ACSM1: variants seen among roughly 807,000 people sequenced by gnomAD.
ACSM1 encodes the protein acyl-CoA synthetase medium chain family member 1.
Under a neutral mutation model 75.8 loss-of-function variants are expected in ACSM1, and 79 were observed. The observed-to-expected ratio is 1.04, with a 90% CI of 0.87 to 1.26. The LOEUF (loss-of-function observed/expected upper bound fraction) is 1.26, where lower values mean the gene tolerates loss of function less well. Ranked by LOEUF, ACSM1 falls within the 50% of genes most tolerant of loss-of-function variation. The pLI, the probability that ACSM1 is intolerant of heterozygous loss-of-function variation, is 0.00. For synonymous variants in ACSM1, 279 were observed against 265.8 expected (o/e 1.05, Z -0.48); for missense variants, 676 against 720.1 (o/e 0.94, Z 0.70).
chr16:20,686,674 C>A (rs987618155), intron 2 of ACSM1, among the ~76,000 whole-genome samples: 1 of 151,938 alleles, frequency 6.6e-6, no homozygotes, highest in Non-Finnish European at 1.5e-5. Flanking sequence ...TAGAGCCAGG[C>A]GAGGTGGCAC....
intron 4 of ACSM1, chr16:20,680,909 C>T (rs2079431821): frequency 3.3e-5 from 5 of 152,240 alleles, no homozygotes. Flanking sequence ...TCAAGCCATT[C>T]TTCTTTCTAA....
At position 20,648,531 on chromosome 16, in the gene ACSM1, C is replaced by G. The variant is rs752669173; in HGVS notation, c.993-7947G>C. ...TGGAAATGGGTGGTTGGATGTACCT[C>G]ATTATACCCTCCTTCCTTTGGAATT... On this transcript the variant is annotated intron_variant, in intron 7 of 13. Transcript: ENST00000520010. The surrounding 1 kb of genome is among the most constrained non-coding windows in gnomAD (Gnocchi z 4.2). 2.0e-5 allele frequency among the ~76,000 whole-genome samples: 3 copies of G among 152,186 alleles called. No individual in the cohort carries two copies. Among genetic ancestry groups the G allele is most frequent in the African/African-American group, 7.2e-5 (3 of 41,448 alleles).
At chr16:20,627,391 C>A in intron 10 of ACSM1, 75 bp from the exon 11 acceptor site, 1 of 1,461,144 alleles carries the variant, frequency 6.8e-7, no homozygotes, top group South Asian at 1.6e-5. Flanking sequence ...GGGTTCCAAT[C>A]TGGGTTTGAA....
chr16:20,628,186 T>G (rs971306492), intron 10 of ACSM1, among the ~76,000 whole-genome samples: 1 of 152,102 alleles, frequency 6.6e-6, no homozygotes, highest in Non-Finnish European at 1.5e-5. Flanking sequence ...ATCGATGCCC[T>G]GTACTCTTCA....
At chr16:20,646,046 C>G (rs1359577019) in intron 7 of ACSM1, among the ~76,000 whole-genome samples, 2 of 152,096 alleles carry the variant, frequency 1.3e-5, no homozygotes, top group Non-Finnish European at 2.9e-5. Context: ...CTTAGAAACC[C>G]TATTGAACTT....
intron 11 of ACSM1, among the ~76,000 whole-genome samples, chr16:20,625,775 C>T (rs1318439013): frequency 6.6e-6 from 1 of 152,214 alleles, no homozygotes; most frequent in East Asian, 1.9e-4. Context: ...AATGTTTTGT[C>T]TCCTCAGAGC....
intron 4 of ACSM1, among the ~76,000 whole-genome samples, chr16:20,676,451 G>T (rs530002309): frequency 5.9e-5 from 9 of 152,296 alleles, no homozygotes; most frequent in African/African-American, 1.9e-4. Context: ...TTAACCCTAA[G>T]GCTGCTGAAA....
intron 12 of ACSM1, 91 bp downstream of exon 12, chr16:20,625,332 C>G: frequency 7.7e-7 from 1 of 1,294,496 alleles, no homozygotes; most frequent in Non-Finnish European, 1.1e-6. Context: ...GCCCTTCCAC[C>G]AAGGCTGCAC....
Position 20,640,860 on chromosome 16 carries a change from G to A in ACSM1, c.993-276C>T, listed in dbSNP as rs184683237. On this transcript the variant is annotated intron_variant, in intron 7 of 13. Transcript: ENST00000520010. ...ATTTGGATATCAGTGTAACAAGAGG[G>A]AGAACTGTGTGTTTATCAGAACTCC... 2.6e-5 allele frequency among the ~76,000 whole-genome samples: 4 copies of A among 152,310 alleles called. No homozygotes were observed. The East Asian group carries it at 7.7e-4, about 29-fold the overall frequency.
intron 8 of ACSM1, among the ~76,000 whole-genome samples, chr16:20,640,159 G>A (rs1037004261): frequency 5.9e-5 from 9 of 152,228 alleles, no homozygotes; most frequent in Admixed American, 5.9e-4. Context: ...ATGTAAAAAT[G>A]CAGATTCACT....
chr16:20,636,985 G>T (rs1345847947), intron 9 of ACSM1, 145 bp from the exon 10 acceptor site: 2 of 694,434 alleles, frequency 2.9e-6, no homozygotes, highest in African/African-American at 3.6e-5. Flanking sequence ...ACTGTCAAAA[G>T]CCTTTAAAAT....
chr16:20,652,449 A>G (rs999364237), intron 7 of ACSM1, among the ~76,000 whole-genome samples: 1 of 152,080 alleles, frequency 6.6e-6, no homozygotes, highest in African/African-American at 2.4e-5. Context: ...AAAAATTTAA[A>G]AAGTCTTAAA....
At chr16:20,627,346 A>T (rs1343580493) in intron 10 of ACSM1, 30 bp from the exon 11 acceptor site, 24 of 1,547,222 alleles carry the variant, frequency 1.6e-5, no homozygotes, top group Non-Finnish European at 2.1e-5. Context: ...CCTTTGTTGA[A>T]GGCAGTGAAT....
At chr16:20,665,686 A>C (rs2019528853) in intron 6 of ACSM1, among the ~76,000 whole-genome samples, 1 of 152,180 alleles carries the variant, frequency 6.6e-6, no homozygotes, top group Admixed American at 6.6e-5. Flanking sequence ...CAATGACAAA[A>C]GAAAACTCCA....
At position 20,682,410 on chromosome 16, in the gene ACSM1, G is replaced by T. The variant is rs199570072; in HGVS notation, c.457C>A (p.Arg153=). ...ILLKAKDILY[R]LQLSKAKGIV... The stretch of plus-strand genomic sequence containing the variant: ...CCCTTGGCTTTAGACAACTGTAGTC[G>T]ATAGAGAATGTCTTTGGCCTTCAAC... The change falls in exon 4 of 14, where the codon CGA becomes AGA. Residue 153 remains arginine (R), a synonymous_variant. Coordinates refer to ENST00000520010, the MANE Select transcript of ACSM1 (RefSeq NM_001318890.3). 8 of 1,613,836 alleles carry T rather than the reference G, an allele frequency of 5.0e-6. No homozygotes were observed. Among genetic ancestry groups the T allele is most frequent in the Non-Finnish European group, 6.8e-6 (8 of 1,179,904 alleles).
chr16:20,671,855 A>AT (rs1333349344), intron 4 of ACSM1, among the ~76,000 whole-genome samples, 184 bp from the exon 5 acceptor site: 2 of 152,168 alleles, frequency 1.3e-5, no homozygotes, highest in Non-Finnish European at 2.9e-5. Context: ...GTGGACCAGC[A>AT]TTTTTTTATT....
intron 1 of ACSM1, among the ~76,000 whole-genome samples, chr16:20,694,258 G>C (rs163252): frequency 0.083 from 12,695 of 152,246 alleles, 573 homozygotes; most frequent in East Asian, 0.13. Flanking sequence ...CAGCAGTAGG[G>C]TGGATGCGTC....
At chr16:20,671,825 T>C (rs1203468446) in intron 4 of ACSM1, among the ~76,000 whole-genome samples, 154 bp from the exon 5 acceptor site, 1 of 152,186 alleles carries the variant, frequency 6.6e-6, no homozygotes, top group Non-Finnish European at 1.5e-5. Flanking sequence ...TCACACTGAC[T>C]TGATGGGTGA....
intron 7 of ACSM1, among the ~76,000 whole-genome samples, chr16:20,657,703 C>T (rs534572348): frequency 6.6e-6 from 1 of 152,024 alleles, no homozygotes; most frequent in South Asian, 2.1e-4. Context: ...GTGTGCTGCA[C>T]CCATTAACTC....
Sources: allele counts gnomAD v4.1 joint callset (sites outside exome capture counted in the v4.1 genomes callset), GRCh38; gene constraint gnomAD v4.1.1; non-coding constraint Gnocchi (gnomAD v3.1); transcripts MANE v1.5; gene names NCBI Gene and HGNC (gene_info 2026-07-23, HGNC 2026-07-21).